PUM1: variants seen among roughly 807,000 people sequenced by gnomAD.
PUM1 encodes pumilio homolog 1.
In PUM1, 13 loss-of-function variants were observed where a neutral mutation model predicts 131.8. The ratio of observed to expected loss-of-function variants is 0.10; its 90% CI spans 0.06 to 0.16. The LOEUF (loss-of-function observed/expected upper bound fraction) is 0.16, where lower values mean the gene tolerates loss of function less well. Ranked by LOEUF, PUM1 falls within the 10% of genes least tolerant of loss-of-function variation. The probability of loss-of-function intolerance (pLI) is 1.00; values close to 1 mark genes in which losing one functional copy is unlikely to be tolerated. For synonymous variants in PUM1, 509 were observed against 556.5 expected (o/e 0.91, Z 1.20); for missense variants, 961 against 1,512.4 (o/e 0.64, Z 6.05).
Position 31,056,609 on chromosome 1 carries a change from C to CTTTTTTTTTTTTTT in PUM1, c.363+2581_363+2594dup, listed in dbSNP as rs57685772. 1.4e-3 allele frequency among the ~76,000 whole-genome samples: 63 copies of CTTTTTTTTTTTTTT among 43,710 alleles called. 10 individuals are homozygous for CTTTTTTTTTTTTTT. Among genetic ancestry groups the CTTTTTTTTTTTTTT allele is most frequent in the Non-Finnish European group, 2.1e-3 (52 of 24,876 alleles). The allele number at this position is 43,710 out of a possible 152,430, so 28.7% of individuals were successfully genotyped here. Reference sequence around the variant, plus strand: ...CAGCTGAAAACCTTCCTTTTCTTTTCTTTTTTTTTTTTTTTTTTTTTTTTT... The same window carrying CTTTTTTTTTTTTTT: ...CAGCTGAAAACCTTCCTTTTCTTTTCTTTTTTTTTTTTTTTTTTTTTTTTTTTTTTTTTTTTTTT... On this transcript the variant is annotated intron_variant, in intron 2 of 21. Coordinates refer to ENST00000426105, the MANE Select transcript of PUM1 (RefSeq NM_001020658.2).
intron 5 of PUM1, among the ~76,000 whole-genome samples, chr1:31,001,189 A>G (rs1264292231): frequency 2.6e-5 from 4 of 151,826 alleles, no homozygotes; most frequent in African/African-American, 9.7e-5. Flanking sequence ...GTCTCAAAAA[A>G]AAATAAAAAT....
At chr1:31,045,089 T>C (rs974080536) in intron 2 of PUM1, among the ~76,000 whole-genome samples, 2 of 150,618 alleles carry the variant, frequency 1.3e-5, no homozygotes, top group East Asian at 3.9e-4. Flanking sequence ...TGACCCACCG[T>C]GCCCAGCTGG....
At chr1:30,946,777 C>T (rs1639695601) in intron 17 of PUM1, among the ~76,000 whole-genome samples, 1 of 151,812 alleles carries the variant, frequency 6.6e-6, no homozygotes, top group Non-Finnish European at 1.5e-5. Context: ...TTCTACATGG[C>T]ACACAGCCAT....
At chr1:30,989,571 C>CAAAAA (rs1174565063) in intron 7 of PUM1, among the ~76,000 whole-genome samples, 626 of 27,694 alleles carry the variant, frequency 0.023, 74 homozygotes, top group East Asian at 0.048. Context: ...GACTCCGTCT[C>CAAAAA]AAAAAAAAAA....
At chr1:31,040,086 C>CT (rs998733537) in intron 2 of PUM1, among the ~76,000 whole-genome samples, 9 of 152,136 alleles carry the variant, frequency 5.9e-5, no homozygotes, top group South Asian at 4.2e-4. Flanking sequence ...CCAAGAATCT[C>CT]TTTTTTTTAA....
intron 2 of PUM1, among the ~76,000 whole-genome samples, chr1:31,038,682 C>A (rs1376750514): frequency 6.6e-6 from 1 of 151,928 alleles, no homozygotes; most frequent in Non-Finnish European, 1.5e-5. Context: ...AACACGCATA[C>A]AAATACACAC....
chr1:30,933,480 A>ACACACC, intron 21 of PUM1, 138 bp from the exon 22 acceptor site: 1 of 805,362 alleles, frequency 1.2e-6, no homozygotes, highest in Non-Finnish European at 1.9e-6. Context: ...ACACACACAC[A>ACACACC]CACACCCCTA....
chr1:30,997,984 A>G (rs1642045037), intron 5 of PUM1, among the ~76,000 whole-genome samples: 1 of 151,824 alleles, frequency 6.6e-6, no homozygotes, highest in Admixed American at 6.6e-5. Flanking sequence ...CATTTTACCA[A>G]TATCGTACAG....
intron 3 of PUM1, among the ~76,000 whole-genome samples, chr1:31,015,500 CCTGA>C (rs1470222657): frequency 8.6e-5 from 13 of 151,636 alleles, no homozygotes; most frequent in African/African-American, 3.1e-4. Context: ...TGCCACCACG[CCTGA>C]CTAATTTTTT....
chr1:30,979,850 C>A (rs772577697), intron 9 of PUM1, among the ~76,000 whole-genome samples: 5 of 151,978 alleles, frequency 3.3e-5, no homozygotes, highest in Non-Finnish European at 7.4e-5. Context: ...ATATGCAAGG[C>A]GTATGTGATT....
intron 20 of PUM1, among the ~76,000 whole-genome samples, chr1:30,938,479 C>A (rs1220872530): frequency 6.6e-6 from 1 of 152,292 alleles, no homozygotes; most frequent in African/African-American, 2.4e-5. Context: ...TCTGGAACTC[C>A]TGGCCTCAAG....
At chr1:30,942,191 TTATATATATATATATA>T (rs58848270) in intron 18 of PUM1, 68 bp from the exon 19 acceptor site, 1,918 of 145,126 alleles carry the variant, frequency 0.013, 72 homozygotes, top group African/African-American at 0.026. Flanking sequence ...TCAGTATTGT[TTATATATATATATATA>T]TATATATATA....
intron 5 of PUM1, among the ~76,000 whole-genome samples, chr1:30,996,399 A>G (rs1325169408): frequency 6.6e-6 from 1 of 152,272 alleles, no homozygotes; most frequent in Admixed American, 6.5e-5. Flanking sequence ...TTATAAATAG[A>G]CTGACTGTGG....
intron 2 of PUM1, among the ~76,000 whole-genome samples, chr1:31,046,410 A>G (rs777556713): frequency 2.6e-5 from 4 of 151,960 alleles, no homozygotes; most frequent in Non-Finnish European, 5.9e-5. Flanking sequence ...AAAAATCAAC[A>G]GTTTTCAAAA....
In PUM1 at chr1:30,945,355, A is replaced by C; in HGVS notation, c.2985T>G (p.Phe995Leu). Residue 995 changes from phenylalanine to leucine, a missense_variant, in exon 18 of 22, where the codon TTT becomes TTG. Phe to Leu is a conservative substitution (Grantham distance 22). Transcript: ENST00000426105. ...PQSLQFIIDA[F>L]KGQVFALSTH... ...CTCCTGGGTCACTTACCTGTCCCTT[A>C]AACGCATCGATGATAAATTGCAAAG... 1 of 1,614,206 alleles carries C rather than the reference A, an allele frequency of 6.2e-7. No individual in the cohort carries two copies. The highest frequency in any genetic ancestry group is 8.5e-7 in the Non-Finnish European group (1 of 1,180,030).
rs756469881 is a variant in PUM1, at chr1:30,964,894, A to C, written c.2103T>G (p.Thr701=). Residue 701 remains threonine (T), a synonymous_variant, in exon 14 of 22, where the codon ACT becomes ACG. Transcript: ENST00000426105. ...GGGAGTCACGGCGGGAGCCACTGCC[A>C]GTGTTGGAGTTTGCAACTAAAATGG... ...GFGTAVANSN[T]GSGSRRDSLT... 6.2e-7 allele frequency: 1 copy of C among 1,614,104 alleles called. No homozygotes were observed. The highest frequency in any genetic ancestry group is 8.5e-7 in the Non-Finnish European group (1 of 1,179,996).
At chr1:30,998,902 T>C (rs757986580) in intron 5 of PUM1, among the ~76,000 whole-genome samples, 55 of 152,146 alleles carry the variant, frequency 3.6e-4, no homozygotes, top group Non-Finnish European at 6.9e-4. Flanking sequence ...CTAAAGACAA[T>C]AGAAGAAAGG....
At position 31,019,215 on chromosome 1, in the gene PUM1, G is replaced by C. The variant is rs139535052; in HGVS notation, c.432+9581C>G. On this transcript the variant is annotated intron_variant, in intron 3 of 21. Coordinates refer to ENST00000426105, the MANE Select transcript of PUM1 (RefSeq NM_001020658.2). Reference sequence around the variant, plus strand: ...TAGAAGTACAAAATTAGCCAGGTGTGGTGGCAGGCACCTGTGATCCCAGTT... The same window carrying C: ...TAGAAGTACAAAATTAGCCAGGTGTCGTGGCAGGCACCTGTGATCCCAGTT... Among the ~76,000 whole-genome samples the C allele has an allele frequency of 3.3e-5, 5 of 152,244 alleles. No individual in the cohort carries two copies. The East Asian group carries it at 9.7e-4, about 29-fold the overall frequency.
At chr1:30,995,015 A>T in intron 6 of PUM1, 39 bp downstream of exon 6, 1 of 1,582,004 alleles carries the variant, frequency 6.3e-7, no homozygotes. Flanking sequence ...AAAATCCCAT[A>T]GCCCATATTC....
Sources: allele counts gnomAD v4.1 joint callset (sites outside exome capture counted in the v4.1 genomes callset), GRCh38; gene constraint gnomAD v4.1.1; transcripts MANE v1.5; gene names NCBI Gene and HGNC (gene_info 2026-07-23, HGNC 2026-07-21).